The following TNFSF4 variants were observed in gnomAD, a reference collection of about 807,000 sequenced individuals.
TNFSF4 encodes TNF superfamily member 4, also known as tumor necrosis factor ligand superfamily member 4.
A neutral mutation model predicts 7.3 loss-of-function variants in TNFSF4; 4 were observed. That is an observed-to-expected ratio of 0.55 (90% CI 0.27 to 1.25). TNFSF4 has a LOEUF of 1.25. TNFSF4 is among the 50% of genes most tolerant of loss of function. TNFSF4 has a pLI of 0.12. For synonymous variants in TNFSF4, 76 were observed against 83.7 expected (o/e 0.91, Z 0.50); for missense variants, 181 against 208.8 (o/e 0.87, Z 0.82).
At chr1:173,244,312 C>T in the TNFSF4 span, among the ~76,000 whole-genome samples, 1 of 152,136 alleles carries the variant, frequency 6.6e-6, no homozygotes, top group South Asian at 2.1e-4. Context: ...CAGCTAATTA[C>T]ATTTAAGCAA....
chr1:173,399,890 G>C, the TNFSF4 span, among the ~76,000 whole-genome samples: 1 of 152,180 alleles, frequency 6.6e-6, no homozygotes. Context: ...CAGCAGCAGA[G>C]ACTCACATTG....
the TNFSF4 span, among the ~76,000 whole-genome samples, chr1:173,254,326 A>G: frequency 6.6e-6 from 1 of 152,194 alleles, no homozygotes; most frequent in African/African-American, 2.4e-5. Context: ...GGGTTTTGTA[A>G]GGTGGGAACA....
the TNFSF4 span, among the ~76,000 whole-genome samples, chr1:173,436,582 G>C: frequency 6.6e-6 from 1 of 152,066 alleles, no homozygotes; most frequent in Admixed American, 6.6e-5. Context: ...GCTAATTTTT[G>C]TATTTTTAGT....
chr1:173,299,708 T>C, the TNFSF4 span, among the ~76,000 whole-genome samples: 2 of 151,892 alleles, frequency 1.3e-5, no homozygotes, highest in African/African-American at 4.8e-5. Context: ...AGAGTTATTT[T>C]TGCAAACAAT....
chr1:173,367,763 C>T, the TNFSF4 span, among the ~76,000 whole-genome samples: 1 of 152,140 alleles, frequency 6.6e-6, no homozygotes, highest in Non-Finnish European at 1.5e-5. Context: ...GGAAAAGGAT[C>T]ATCAGAACTG....
At chr1:173,414,687 C>T in the TNFSF4 span, among the ~76,000 whole-genome samples, 2 of 152,148 alleles carry the variant, frequency 1.3e-5, no homozygotes, top group Admixed American at 6.5e-5. Context: ...GAGATGAAGC[C>T]AGTGTGACTG....
chr1:173,288,361 A>G, the TNFSF4 span, among the ~76,000 whole-genome samples: 1 of 152,156 alleles, frequency 6.6e-6, no homozygotes, highest in Non-Finnish European at 1.5e-5. Context: ...GCTTGAGCCC[A>G]GGAGGCAGAG....
At chr1:173,213,634 G>T in the TNFSF4 span, among the ~76,000 whole-genome samples, 2 of 152,012 alleles carry the variant, frequency 1.3e-5, no homozygotes, top group Admixed American at 6.6e-5. Context: ...ATTATTTAAA[G>T]TGTACAATTA....
the TNFSF4 span, among the ~76,000 whole-genome samples, chr1:173,329,467 G>A: frequency 3.3e-5 from 5 of 152,222 alleles, no homozygotes; most frequent in Non-Finnish European, 7.4e-5. Context: ...CAGATGCAAA[G>A]CCCATGGTTA....
intron 1 of TNFSF4, among the ~76,000 whole-genome samples, chr1:173,196,931 G>A (rs1649724816): frequency 1.3e-5 from 2 of 152,154 alleles, no homozygotes; most frequent in Non-Finnish European, 2.9e-5. Flanking sequence ...GCTACTGGAA[G>A]GGTAGGTTTA....
chr1:173,439,462 C>A, the TNFSF4 span, among the ~76,000 whole-genome samples: 44 of 152,346 alleles, frequency 2.9e-4, 1 homozygote, highest in East Asian at 8.5e-3. Flanking sequence ...AGCAGCCCAG[C>A]CTCTGCCCAC....
chr1:173,254,732 T>C, the TNFSF4 span, among the ~76,000 whole-genome samples: 2 of 152,142 alleles, frequency 1.3e-5, no homozygotes, highest in East Asian at 1.9e-4. Context: ...TTGTTAATAA[T>C]TGCAAATTAG....
At chr1:173,401,773 A>C in the TNFSF4 span, among the ~76,000 whole-genome samples, 1 of 152,136 alleles carries the variant, frequency 6.6e-6, no homozygotes, top group East Asian at 1.9e-4. Flanking sequence ...ATATACATAC[A>C]TATACACACA....
At chr1:173,233,644 A>T in the TNFSF4 span, among the ~76,000 whole-genome samples, 1 of 152,308 alleles carries the variant, frequency 6.6e-6, no homozygotes, top group African/African-American at 2.4e-5. Flanking sequence ...TGTTCCCTTT[A>T]TTTTGAGTGT....
chr1:173,304,135 A>AG, the TNFSF4 span, among the ~76,000 whole-genome samples: 1 of 151,930 alleles, frequency 6.6e-6, no homozygotes, highest in Non-Finnish European at 1.5e-5. Flanking sequence ...TGTAAAAAAA[A>AG]CCATTGACAT....
chr1:173,247,614 G>C, the TNFSF4 span, among the ~76,000 whole-genome samples: 1 of 152,072 alleles, frequency 6.6e-6, no homozygotes, highest in South Asian at 2.1e-4. Flanking sequence ...CTCTGACCCA[G>C]TTTGGCATTT....
chr1:173,336,050 A>C, the TNFSF4 span, among the ~76,000 whole-genome samples: 1 of 152,178 alleles, frequency 6.6e-6, no homozygotes, highest in African/African-American at 2.4e-5. Flanking sequence ...CCCATCATGT[A>C]GTTATTTTCC....
At chr1:173,387,580 T>C in the TNFSF4 span, among the ~76,000 whole-genome samples, 6 of 152,178 alleles carry the variant, frequency 3.9e-5, no homozygotes, top group Middle Eastern at 3.2e-3. Context: ...GAAAGACAGG[T>C]TGAGTTAAGA....
chr1:173,285,418 T>G, the TNFSF4 span, among the ~76,000 whole-genome samples: 1 of 152,164 alleles, frequency 6.6e-6, no homozygotes, highest in Admixed American at 6.6e-5. Context: ...CTTTGAATAT[T>G]CCATAAACTT....
Sources: allele counts gnomAD v4.1 joint callset (sites outside exome capture counted in the v4.1 genomes callset), GRCh38; gene constraint gnomAD v4.1.1; transcripts MANE v1.5; gene names NCBI Gene and HGNC (gene_info 2026-07-23, HGNC 2026-07-21).